Variants in NAA25 observed in about 807,000 individuals in gnomAD.
The protein encoded by NAA25 is N-terminal acetyltransferase B complex subunit NAA25.
In NAA25, 30 loss-of-function variants were observed where a neutral mutation model predicts 132.5. That is an observed-to-expected ratio of 0.23 (90% CI 0.17 to 0.31). The LOEUF is 0.31. NAA25 is among the 10% of genes least tolerant of loss of function. The pLI, the probability that NAA25 is intolerant of heterozygous loss-of-function variation, is 1.00. For missense variants in NAA25, 771 were observed against 1,150.4 expected (o/e 0.67, Z 4.77); for synonymous variants, 359 against 401.9 (o/e 0.89, Z 1.28).
chr12:112,079,052 T>G (rs1182358877), intron 5 of NAA25, among the ~76,000 whole-genome samples: 1 of 152,204 alleles, frequency 6.6e-6, no homozygotes, highest in Non-Finnish European at 1.5e-5. Context: ...TTATTATTTA[T>G]GAGTATTATC....
chr12:112,078,602 G>T, intron 6 of NAA25, 32 bp downstream of exon 6: 1 of 1,566,858 alleles, frequency 6.4e-7, no homozygotes, highest in Non-Finnish European at 8.8e-7. Context: ...GCAAAAAAAT[G>T]AAAACACAAA....
At chr12:112,042,325 C>T (rs925732652) in intron 19 of NAA25, 5 of 259,252 alleles carry the variant, frequency 1.9e-5, no homozygotes, top group Non-Finnish European at 3.6e-5. Context: ...AGAGGTACTA[C>T]CTAAAATTCC....
At chr12:112,091,684 G>C (rs2079132960) in intron 2 of NAA25, among the ~76,000 whole-genome samples, 1 of 151,590 alleles carries the variant, frequency 6.6e-6, no homozygotes, top group Non-Finnish European at 1.5e-5. Context: ...AGGCAACAGG[G>C]TGAGAGAGAC....
intron 21 of NAA25, 93 bp from the exon 22 acceptor site, chr12:112,039,432 A>G (rs1193806485): frequency 5.4e-6 from 4 of 736,996 alleles, no homozygotes; most frequent in Non-Finnish European, 9.3e-6. Flanking sequence ...ATTCTAACGC[A>G]GTTCTTCTAT....
At chr12:112,104,387 G>A (rs1275867171) in intron 1 of NAA25, among the ~76,000 whole-genome samples, 5 of 151,280 alleles carry the variant, frequency 3.3e-5, no homozygotes, top group South Asian at 2.1e-4. Flanking sequence ...AAATATGAGC[G>A]TGAAATTAAA....
At chr12:112,069,111 C>A (rs1044518624) in intron 10 of NAA25, 119 bp from the exon 11 acceptor site, 2 of 631,778 alleles carry the variant, frequency 3.2e-6, no homozygotes, top group Non-Finnish European at 5.6e-6. Flanking sequence ...TGCAACTGGT[C>A]CCAAGATAGC....
chr12:112,108,128 C>T (rs1056929599), intron 1 of NAA25, among the ~76,000 whole-genome samples: 3 of 152,132 alleles, frequency 2.0e-5, no homozygotes, highest in Non-Finnish European at 4.4e-5. Flanking sequence ...CACGTGTGAC[C>T]AGAGTAGCTG....
chr12:112,102,011 C>T (rs1282966023), intron 1 of NAA25, among the ~76,000 whole-genome samples: 3 of 151,386 alleles, frequency 2.0e-5, no homozygotes, highest in South Asian at 2.1e-4. Flanking sequence ...GGATTACAGG[C>T]GTGCATCACC....
intron 1 of NAA25, chr12:112,097,189 G>A (rs1166550261): frequency 6.6e-6 from 1 of 152,160 alleles, no homozygotes; most frequent in African/African-American, 2.4e-5. Context: ...GAGTCAGTAA[G>A]TTACAAGGAA....
In NAA25 at chr12:112,033,345, G is replaced by C. The variant is rs1353164106; in HGVS notation, c.2684C>G (p.Thr895Ser). 6.2e-7 allele frequency: 1 copy of C among 1,612,126 alleles called. No individual in the cohort carries two copies. Among genetic ancestry groups the C allele is most frequent in the Non-Finnish European group, 8.5e-7 (1 of 1,179,336 alleles). ...ATTGGAAATTAAAGTCTGAAGCCCA[G>C]TAACATAGTCTTGGAAACTGGTAAA... is the stretch of plus-strand genomic sequence containing the variant. ...PVFTSFQDYVTGLQTLISNVV... is the reference protein window; with the variant it reads ...PVFTSFQDYVSGLQTLISNVV... Residue 895 changes from threonine to serine, a missense_variant, in exon 23 of 24, where the codon ACT becomes AGT. Physicochemically the swap from Thr to Ser is moderately conservative, Grantham distance 58. Transcript: ENST00000261745.
intron 13 of NAA25, among the ~76,000 whole-genome samples, chr12:112,054,989 A>T (rs558223268): frequency 6.6e-6 from 1 of 152,334 alleles, no homozygotes; most frequent in African/African-American, 2.4e-5. Flanking sequence ...TACTAACAGA[A>T]TGGCAAATAG....
intron 17 of NAA25, among the ~76,000 whole-genome samples, chr12:112,045,486 C>CA (rs75644384): frequency 0.012 from 927 of 80,544 alleles, 9 homozygotes; most frequent in Non-Finnish European, 0.022. Flanking sequence ...GACTCCATCA[C>CA]AAAAAAAAAA....
chr12:112,062,742 T>G (rs941747870), intron 11 of NAA25, among the ~76,000 whole-genome samples: 5 of 147,684 alleles, frequency 3.4e-5, no homozygotes, highest in African/African-American at 1.3e-4. Flanking sequence ...AAAAAAAGAA[T>G]AAATCCACAC....
chr12:112,053,882 G>A lies in NAA25; in HGVS notation c.1629-225C>T, dbSNP rs916137711. ...AGTTTTGTGGGAGACCTAAAGTTCT[G>A]TAACTAGGCTTTCTTACACTCTGAT... On this transcript the variant is annotated intron_variant, in intron 14 of 23. Coordinates refer to ENST00000261745, the MANE Select transcript of NAA25 (RefSeq NM_024953.4). Among the ~76,000 whole-genome samples, 5 of 144,388 alleles carry A rather than the reference G, an allele frequency of 3.5e-5. No individual in the cohort carries two copies. In the East Asian group the frequency reaches 8.1e-4, roughly 23 times the overall value. 94.7% of individuals were successfully genotyped at this position (144,388 alleles called of 152,430 possible). A position where few individuals can be genotyped will look rare whatever the true frequency, so the allele number is the denominator to read the frequency against.
At chr12:112,093,003 C>T in intron 2 of NAA25, 48 bp downstream of exon 2, 2 of 1,365,874 alleles carry the variant, frequency 1.5e-6, no homozygotes, top group South Asian at 1.2e-5. Context: ...TAAGGAATTA[C>T]AAATATAACC....
chr12:112,040,393 G>T, intron 21 of NAA25, 88 bp downstream of exon 21: 1 of 718,164 alleles, frequency 1.4e-6, no homozygotes, highest in South Asian at 1.7e-5. Context: ...ACAGGTATAA[G>T]GTGCCTATTA....
At chr12:112,036,482 T>C (rs1325159094) in intron 22 of NAA25, among the ~76,000 whole-genome samples, 2 of 152,074 alleles carry the variant, frequency 1.3e-5, no homozygotes, top group African/African-American at 4.8e-5. Context: ...AAAAAGGGAA[T>C]GAGGGAAAGA....
At chr12:112,033,578 C>G (rs536693292) in intron 22 of NAA25, 199 bp from the exon 23 acceptor site, 1 of 362,188 alleles carries the variant, frequency 2.8e-6, no homozygotes, top group African/African-American at 2.2e-5. Flanking sequence ...AATAAATTTC[C>G]GATAGATTAA....
At chr12:112,078,538 C>A in intron 6 of NAA25, 96 bp downstream of exon 6, 1 of 1,154,306 alleles carries the variant, frequency 8.7e-7, no homozygotes, top group South Asian at 1.4e-5. Context: ...ACCCAGCTAT[C>A]AAACTGGAAC....
Sources: gnomAD v4.1 joint callset for allele counts (sites outside exome capture counted in the v4.1 genomes callset) on GRCh38, gnomAD v4.1.1 for gene constraint, MANE v1.5 for transcripts, NCBI Gene and HGNC (gene_info 2026-07-23, HGNC 2026-07-21) for gene names.